Variants in VDR observed in about 807,000 individuals in gnomAD.
VDR encodes the protein vitamin D3 receptor.
Under a neutral mutation model 39.7 loss-of-function variants are expected in VDR, and 19 were observed. The observed-to-expected ratio is 0.48, with a 90% CI of 0.33 to 0.70. VDR has a LOEUF of 0.70. VDR is among the 30% of genes least tolerant of loss of function. The probability of loss-of-function intolerance (pLI) is 0.02; values close to 1 mark genes in which losing one functional copy is unlikely to be tolerated. For synonymous variants in VDR, 242 were observed against 215.8 expected, an observed-to-expected ratio of 1.12 and a Z score of -1.07; for missense variants, 442 against 570.5, an observed-to-expected ratio of 0.77 and a Z score of 2.29.
In VDR at chr12:47,843,566, C is replaced by G. The variant is rs1555148544; in HGVS notation, c.*1180G>C. 6.6e-6 allele frequency: 1 copy of G among 152,340 alleles called. No homozygotes were observed. The highest frequency in any genetic ancestry group is 1.5e-5 in the Non-Finnish European group (1 of 68,056). The allele number at this position is 152,340 out of a possible 1,614,324, so 9.4% of individuals were successfully genotyped here. On this transcript the variant is annotated 3_prime_UTR_variant, in exon 10 of 10. Coordinates refer to ENST00000549336, the MANE Select transcript of VDR (RefSeq NM_000376.3). ...CACTCCGCCCCTGCCTCACAGGCACCTTTTGACTTTTGGGTGGTGGAGTGA... is the reference window on the plus strand; with the variant it reads ...CACTCCGCCCCTGCCTCACAGGCACGTTTTGACTTTTGGGTGGTGGAGTGA...
Position 47,844,533 on chromosome 12 carries a change from A to G in VDR, c.*213T>C. The stretch of plus-strand genomic sequence containing the variant: ...TTTGTCAAACAAACAGCAACTCCTC[A>G]TGGCTGAGGTCTCAAGGGACCGGGG... On this transcript the variant is annotated 3_prime_UTR_variant, in exon 10 of 10. Coordinates refer to ENST00000549336, the MANE Select transcript of VDR (RefSeq NM_000376.3). The G allele has an allele frequency of 3.0e-6, 2 of 664,784 alleles. No homozygotes were observed. Among genetic ancestry groups the G allele is most frequent in the Non-Finnish European group, 5.1e-6 (2 of 395,176 alleles). The allele number at this position is 664,784 out of a possible 1,614,324, so 41.2% of individuals were successfully genotyped here.
intron 1 of VDR, among the ~76,000 whole-genome samples, chr12:47,891,859 T>C (rs537041113): frequency 6.6e-6 from 1 of 152,334 alleles, no homozygotes; most frequent in Non-Finnish European, 1.5e-5. Context: ...AGGATGCCGA[T>C]GCCCCGCTGT....
intron 1 of VDR, among the ~76,000 whole-genome samples, chr12:47,892,907 G>A (rs935163117): frequency 6.6e-6 from 1 of 152,218 alleles, no homozygotes; most frequent in East Asian, 1.9e-4. Flanking sequence ...GAGCAGAGGA[G>A]TTTAATGTGG....
rs145220255 is a variant in VDR at position 47,877,783 on chromosome 12, C to T, written c.146+1185G>A. Among the ~76,000 whole-genome samples the T allele has an allele frequency of 2.6e-4, 39 of 152,298 alleles. No individual in the cohort carries two copies. The East Asian group carries it at 7.5e-3, about 29-fold the overall frequency. On this transcript the variant is annotated intron_variant, in intron 3 of 9. Transcript: ENST00000549336. Reference sequence around the variant, plus strand: ...CAAATGCAGCAACACGACTTAGAGCCAGCGATGCTGCTTGTCTGGTTCCCC... The same window carrying T: ...CAAATGCAGCAACACGACTTAGAGCTAGCGATGCTGCTTGTCTGGTTCCCC...
At chr12:47,860,477 C>T (rs1945606127) in intron 4 of VDR, among the ~76,000 whole-genome samples, 1 of 152,192 alleles carries the variant, frequency 6.6e-6, no homozygotes, top group African/African-American at 2.4e-5. Context: ...ACCTGGCACA[C>T]CAGAGAGCTG....
Position 47,857,158 on chromosome 12 carries a change from G to C in VDR, c.554C>G (p.Ser185Cys), listed in dbSNP as rs1467515445. ...AGAGGTGATACAGTGATCTGAGCAGGAGGAGGAGGAGTCCCCAGAGAAGCT... is the reference window on the plus strand; with the variant it reads ...AGAGGTGATACAGTGATCTGAGCAGCAGGAGGAGGAGTCCCCAGAGAAGCT... ...TPSFSGDSSS[S>C]CSDHCITSSD... The change falls in exon 6 of 10, where the codon TCC becomes TGC. Residue 185 changes from serine (S) to cysteine (C), a missense_variant. By Grantham distance (112) the Ser-to-Cys change is moderately radical. This residue lies in a region of VDR where 77 missense variants were observed against 67.4 expected (regional missense o/e 1.14). Transcript: ENST00000549336. The C allele has an allele frequency of 6.2e-7, 1 of 1,613,260 alleles. No individual in the cohort carries two copies. The highest frequency in any genetic ancestry group is 8.5e-7 in the Non-Finnish European group (1 of 1,179,474).
intron 1 of VDR, among the ~76,000 whole-genome samples, chr12:47,900,782 G>A (rs1222294675): frequency 3.3e-5 from 5 of 152,190 alleles, no homozygotes; most frequent in African/African-American, 1.2e-4. Flanking sequence ...CAGAAGGCCA[G>A]TGAGAGGCAG....
chr12:47,852,095 A>T (rs1945399185), intron 7 of VDR, among the ~76,000 whole-genome samples: 1 of 152,148 alleles, frequency 6.6e-6, no homozygotes, highest in Non-Finnish European at 1.5e-5. Context: ...TTCCTTAGTG[A>T]AGGGGGCAGC....
intron 3 of VDR, among the ~76,000 whole-genome samples, chr12:47,874,515 C>T (rs542049601): frequency 1.3e-5 from 2 of 152,310 alleles, no homozygotes; most frequent in South Asian, 2.1e-4. Context: ...CCTTTTGCCC[C>T]CTGCACTCCG....
chr12:47,892,035 C>T (rs1220488454), intron 1 of VDR, among the ~76,000 whole-genome samples: 1 of 152,230 alleles, frequency 6.6e-6, no homozygotes, highest in African/African-American at 2.4e-5. Context: ...TGCCATGCCC[C>T]TTCACCTAGA....
At chr12:47,859,404 C>T (rs1945561377) in intron 4 of VDR, among the ~76,000 whole-genome samples, 1 of 152,206 alleles carries the variant, frequency 6.6e-6, no homozygotes, top group Non-Finnish European at 1.5e-5. Flanking sequence ...TGGACACAGC[C>T]TCTGTTCTGG....
rs1945201140 is a variant in VDR, at chr12:47,842,950, C to T, written c.*1796G>A. On this transcript the variant is annotated 3_prime_UTR_variant, in exon 10 of 10. Coordinates refer to ENST00000549336, the MANE Select transcript of VDR (RefSeq NM_000376.3). The stretch of plus-strand genomic sequence containing the variant: ...ATCAAACAAGGGTCTCTCCCTAGAC[C>T]CTTGTAAAATAACAACAGCAATAAT... 1 of 152,042 alleles carries T rather than the reference C, an allele frequency of 6.6e-6. No individual in the cohort carries two copies. Among genetic ancestry groups the T allele is most frequent in the South Asian group, 2.1e-4 (1 of 4,826 alleles). 9.4% of individuals were successfully genotyped at this position (152,042 alleles called of 1,614,324 possible). A position where few individuals can be genotyped will look rare whatever the true frequency, so the allele number is the denominator to read the frequency against.
chr12:47,846,709 G>A lies in VDR; in HGVS notation c.855C>T (p.Ser285=). ...TGTAGTCTTGGTTGCCACAGGTCCAGGACATGTCGTCCATGGTGAAGGACT... is the reference window on the plus strand; with the variant it reads ...TGTAGTCTTGGTTGCCACAGGTCCAAGACATGTCGTCCATGGTGAAGGACT... ...SNESFTMDDM[S]WTCGNQDYKY... Residue 285 remains serine (S), a synonymous_variant, in exon 8 of 10, where the codon TCC becomes TCT. Transcript: ENST00000549336. 6.2e-7 allele frequency: 1 copy of A among 1,614,158 alleles called. No homozygotes were observed. The highest frequency in any genetic ancestry group is 8.5e-7 in the Non-Finnish European group (1 of 1,180,036).
chr12:47,864,741 G>A (rs1945693456), intron 4 of VDR, among the ~76,000 whole-genome samples: 3 of 152,224 alleles, frequency 2.0e-5, no homozygotes, highest in Admixed American at 6.5e-5. Context: ...AGGAGTAGAA[G>A]GGACTCTTGA....
intron 1 of VDR, among the ~76,000 whole-genome samples, chr12:47,884,963 C>T (rs1946225462): frequency 6.6e-6 from 1 of 152,090 alleles, no homozygotes; most frequent in Admixed American, 6.5e-5. Flanking sequence ...TAGATTCAGC[C>T]TCTAAGTCCA....
intron 3 of VDR, chr12:47,878,709 G>C (rs555749820): frequency 3.0e-5 from 18 of 590,682 alleles, no homozygotes; most frequent in Non-Finnish European, 5.0e-5. Flanking sequence ...TGGGTTACAG[G>C]CGTAATGGAA....
intron 1 of VDR, chr12:47,900,027 A>T: frequency 1.2e-6 from 1 of 828,628 alleles, no homozygotes; most frequent in Non-Finnish European, 1.5e-6. Flanking sequence ...CCAATGGGAC[A>T]ATCAGCACAT....
chr12:47,887,396 C>T (rs1456831375), intron 1 of VDR, among the ~76,000 whole-genome samples: 3 of 150,946 alleles, frequency 2.0e-5, no homozygotes, highest in Non-Finnish European at 4.4e-5. Context: ...TTCTAAGACT[C>T]TTAGACTTTT....
At chr12:47,866,793 C>T (rs555793174) in intron 3 of VDR, among the ~76,000 whole-genome samples, 2 of 151,452 alleles carry the variant, frequency 1.3e-5, no homozygotes, top group East Asian at 3.9e-4. Flanking sequence ...AGTTTGAGAC[C>T]AGCCTGGCCA....
Sources: gnomAD v4.1 joint callset for allele counts (sites outside exome capture counted in the v4.1 genomes callset) on GRCh38, gnomAD v4.1.1 for gene constraint, gnomAD v4.1.1 regional missense constraint, MANE v1.5 for transcripts, NCBI Gene and HGNC (gene_info 2026-07-23, HGNC 2026-07-21) for gene names.